The following DOCK3 variants were observed in gnomAD, a reference collection of about 807,000 sequenced individuals.
DOCK3 encodes the protein dedicator of cytokinesis protein 3.
Under a neutral mutation model 265.6 loss-of-function variants are expected in DOCK3, and 60 were observed. The observed-to-expected ratio is 0.23, with a 90% CI of 0.18 to 0.28. DOCK3 has a LOEUF of 0.28. DOCK3 is among the 10% of genes least tolerant of loss of function. The pLI is 1.00. For missense variants in DOCK3, 1,981 were observed against 2,594.3 expected (o/e 0.76, Z 5.14); for synonymous variants, 881 against 938.0 (o/e 0.94, Z 1.11).
intron 1 of DOCK3, among the ~76,000 whole-genome samples, chr3:50,730,816 G>A (rs1055502704): frequency 6.0e-5 from 9 of 150,904 alleles, no homozygotes; most frequent in Admixed American, 6.0e-4. Context: ...GGGTTACAAA[G>A]CGAGATCCCA....
intron 5 of DOCK3, among the ~76,000 whole-genome samples, chr3:50,952,058 C>G (rs1358398182): frequency 3.3e-5 from 5 of 152,168 alleles, no homozygotes; most frequent in Non-Finnish European, 7.4e-5. Flanking sequence ...TTAGTTCTCT[C>G]AGAAGCTGCC....
At position 51,128,430 on chromosome 3, in the gene DOCK3, G is replaced by T. The variant is rs537421328; in HGVS notation, c.747-18119G>T. On this transcript the variant is annotated intron_variant, in intron 9 of 52. Coordinates refer to ENST00000266037, the MANE Select transcript of DOCK3 (RefSeq NM_004947.5). ...CTGTTCTATTGATCCAGCTGCTTTAGGATGATGGGGAACATGGTAATACCA... is the reference window on the plus strand; with the variant it reads ...CTGTTCTATTGATCCAGCTGCTTTATGATGATGGGGAACATGGTAATACCA... 2.7e-4 allele frequency among the ~76,000 whole-genome samples: 41 copies of T among 152,310 alleles called. 1 individual carries two copies. The highest frequency in any genetic ancestry group is 2.4e-3 in the Admixed American group (37 of 15,300).
chr3:50,729,617 C>T lies in DOCK3; in HGVS notation c.38-49058C>T, dbSNP rs9873164. On this transcript the variant is annotated intron_variant, in intron 1 of 52. Coordinates refer to ENST00000266037, the MANE Select transcript of DOCK3 (RefSeq NM_004947.5). Reference sequence around the variant, plus strand: ...GTGGCTCGATCATAGCTCACTGTAACCTTGAACTCTTGGGCTCAAGTGATC... The same window carrying T: ...GTGGCTCGATCATAGCTCACTGTAATCTTGAACTCTTGGGCTCAAGTGATC... 2.8e-3 allele frequency among the ~76,000 whole-genome samples: 421 copies of T among 151,742 alleles called. 3 individuals are homozygous for T. The highest frequency in any genetic ancestry group is 9.7e-3 in the African/African-American group (403 of 41,416).
At chr3:51,031,142 C>G (rs532706765) in intron 5 of DOCK3, among the ~76,000 whole-genome samples, 1 of 152,136 alleles carries the variant, frequency 6.6e-6, no homozygotes, top group Non-Finnish European at 1.5e-5. Flanking sequence ...ATAACAATTA[C>G]TTTTTTCTTC....
intron 3 of DOCK3, among the ~76,000 whole-genome samples, chr3:50,861,398 A>G (rs540693557): frequency 2.1e-3 from 320 of 152,234 alleles, no homozygotes; most frequent in Non-Finnish European, 3.5e-3. Context: ...AGAAAAAGGT[A>G]TATTCTGTGG....
At chr3:50,833,577 T>C (rs2045323401) in intron 2 of DOCK3, among the ~76,000 whole-genome samples, 1 of 152,164 alleles carries the variant, frequency 6.6e-6, no homozygotes, top group South Asian at 2.1e-4. Context: ...TCTTGGGGTC[T>C]CAAGACTATT....
chr3:51,195,015 C>T (rs539155156), intron 12 of DOCK3, among the ~76,000 whole-genome samples: 4 of 151,780 alleles, frequency 2.6e-5, no homozygotes, highest in Admixed American at 6.6e-5. Context: ...TTAGTAGAGA[C>T]GGGGTTTCAC....
chr3:50,952,814 C>T (rs1015976354), intron 5 of DOCK3, among the ~76,000 whole-genome samples: 3 of 152,066 alleles, frequency 2.0e-5, no homozygotes, highest in Non-Finnish European at 2.9e-5. Flanking sequence ...ACTTAAACAC[C>T]GAGTCTTAGT....
chr3:50,709,099 A>G (rs914893894), intron 1 of DOCK3, among the ~76,000 whole-genome samples: 2 of 152,206 alleles, frequency 1.3e-5, no homozygotes, highest in African/African-American at 4.8e-5. Flanking sequence ...AAGACTTCTA[A>G]TCCTGAAAAT....
intron 49 of DOCK3, among the ~76,000 whole-genome samples, chr3:51,363,411 T>A (rs1476118647): frequency 6.6e-6 from 1 of 152,230 alleles, no homozygotes; most frequent in Non-Finnish European, 1.5e-5. Flanking sequence ...CACTTGCTCT[T>A]GCTTCCAGGC....
At chr3:50,853,314 A>C (rs1340021412) in intron 3 of DOCK3, among the ~76,000 whole-genome samples, 1 of 149,880 alleles carries the variant, frequency 6.7e-6, no homozygotes, top group South Asian at 2.1e-4. Flanking sequence ...TTTTTTCTTT[A>C]AAATTATGGA....
chr3:50,877,935 G>A (rs1210987865), intron 3 of DOCK3, among the ~76,000 whole-genome samples: 1 of 152,138 alleles, frequency 6.6e-6, no homozygotes, highest in Non-Finnish European at 1.5e-5. Flanking sequence ...TCCAGAGGAA[G>A]GATCAGGCAG....
chr3:50,815,488 C>T (rs1293184186), intron 2 of DOCK3, among the ~76,000 whole-genome samples: 1 of 152,188 alleles, frequency 6.6e-6, no homozygotes, highest in South Asian at 2.1e-4. Flanking sequence ...AATTGACCTT[C>T]GTCTCTTTTC....
intron 1 of DOCK3, among the ~76,000 whole-genome samples, chr3:50,698,701 T>C (rs2035833366): frequency 6.6e-6 from 1 of 151,734 alleles, no homozygotes; most frequent in Non-Finnish European, 1.5e-5. Flanking sequence ...CCCATACTAA[T>C]TGTTTTCTGT....
chr3:51,175,783 T>C (rs1267658661), intron 12 of DOCK3, among the ~76,000 whole-genome samples: 1 of 152,184 alleles, frequency 6.6e-6, no homozygotes, highest in Admixed American at 6.5e-5. Flanking sequence ...GTTCTGGTCT[T>C]TGTATATAAT....
chr3:51,277,828 C>T (rs963344094), intron 26 of DOCK3, 74 bp downstream of exon 26: 20 of 1,552,250 alleles, frequency 1.3e-5, no homozygotes, highest in Non-Finnish European at 1.6e-5. Flanking sequence ...CCCCCTCCAT[C>T]TTACCATCCC....
rs34684757 is a variant in DOCK3, at chr3:51,090,210, GT to G, written c.592-13del. On this transcript the variant is annotated intron_variant, in intron 8 of 52. Transcript: ENST00000266037. ...AAATAACTAAAATAAAAATCACTGG[GT>G]TTTTTTCTTCCTCATTAGGTAGATA... The G allele has an allele frequency of 2.6e-6, 4 of 1,526,522 alleles. No individual in the cohort carries two copies. Among genetic ancestry groups the G allele is most frequent in the Non-Finnish European group, 1.8e-6 (2 of 1,142,678 alleles). 94.6% of individuals were successfully genotyped at this position (1,526,522 alleles called of 1,614,324 possible).
intron 5 of DOCK3, among the ~76,000 whole-genome samples, chr3:50,960,029 C>A (rs557195909): frequency 1.3e-5 from 2 of 152,114 alleles, no homozygotes; most frequent in African/African-American, 2.4e-5. Context: ...GAGGTTTATT[C>A]GTGTCATTGC....
At chr3:50,923,523 T>C (rs2050611275) in intron 4 of DOCK3, among the ~76,000 whole-genome samples, 1 of 152,234 alleles carries the variant, frequency 6.6e-6, no homozygotes, top group African/African-American at 2.4e-5. Context: ...TCTTTTGCTC[T>C]TCTCTAAATT....
Sources: allele counts gnomAD v4.1 joint callset (sites outside exome capture counted in the v4.1 genomes callset), GRCh38; gene constraint gnomAD v4.1.1; transcripts MANE v1.5; gene names NCBI Gene and HGNC (gene_info 2026-07-23, HGNC 2026-07-21).